SNTG1: variants seen among roughly 807,000 people sequenced by gnomAD.
SNTG1 encodes syntrophin gamma 1.
In SNTG1, 39 loss-of-function variants were observed where a neutral mutation model predicts 74.7. The observed-to-expected ratio is 0.52, with a 90% confidence interval of 0.40 to 0.68. The LOEUF (loss-of-function observed/expected upper bound fraction) is 0.68. Among genes scored for constraint, SNTG1 ranks in the 30% least tolerant of loss-of-function variants. SNTG1 has a pLI of 0.00. For synonymous variants in SNTG1, 254 were observed against 217.1 expected (o/e 1.17, Z -1.49); for missense variants, 685 against 609.5 (o/e 1.12, Z -1.30).
intron 2 of SNTG1, among the ~76,000 whole-genome samples, chr8:50,298,962 A>T (rs1006774144): frequency 4.6e-5 from 7 of 152,214 alleles, no homozygotes; most frequent in Non-Finnish European, 1.0e-4. Context: ...AATTTTTTAT[A>T]AAGTATTGAA....
At position 50,616,212 on chromosome 8, in the gene SNTG1, T is replaced by C. The variant is rs538312546; in HGVS notation, c.849+25295T>C. Among the ~76,000 whole-genome samples, 4 of 152,284 alleles carry C rather than the reference T, an allele frequency of 2.6e-5. No homozygotes were observed. In the South Asian group the frequency reaches 6.2e-4, roughly 24 times the overall value. ...CCAAACAGCTAGCCCAGATGACATA[T>C]AAAATTAACTGTTACAGTAAGAATA... On this transcript the variant is annotated intron_variant, in intron 13 of 18. Transcript: ENST00000642720.
chr8:50,486,894 A>G (rs1370372792), intron 8 of SNTG1, among the ~76,000 whole-genome samples: 2 of 152,220 alleles, frequency 1.3e-5, no homozygotes, highest in African/African-American at 4.8e-5. Flanking sequence ...CCTTTTCTGC[A>G]TCTATTGAGA....
chr8:50,379,131 T>A (rs2092438804), intron 2 of SNTG1, among the ~76,000 whole-genome samples: 1 of 152,176 alleles, frequency 6.6e-6, no homozygotes, highest in South Asian at 2.1e-4. Flanking sequence ...TCTGTGCTAG[T>A]TGGTGCCCCA....
intron 1 of SNTG1, among the ~76,000 whole-genome samples, chr8:50,090,440 A>T (rs1473706126): frequency 6.6e-6 from 1 of 152,138 alleles, no homozygotes; most frequent in African/African-American, 2.4e-5. Context: ...TGGTGGTAAG[A>T]TAGCTTCAGT....
chr8:50,090,885 C>T (rs1357030983), intron 1 of SNTG1, among the ~76,000 whole-genome samples: 1 of 152,084 alleles, frequency 6.6e-6, no homozygotes, highest in Non-Finnish European at 1.5e-5. Flanking sequence ...GATAGCTTTT[C>T]TGAAATTAAG....
At chr8:50,387,387 T>C (rs2092592033) in intron 2 of SNTG1, among the ~76,000 whole-genome samples, 1 of 152,190 alleles carries the variant, frequency 6.6e-6, no homozygotes, top group African/African-American at 2.4e-5. Flanking sequence ...TGAGGGGCTC[T>C]TGTATGATAA....
intron 2 of SNTG1, among the ~76,000 whole-genome samples, chr8:50,327,070 C>T (rs781550389): frequency 2.6e-5 from 4 of 151,874 alleles, no homozygotes; most frequent in Admixed American, 6.6e-5. Context: ...TGTATGATTT[C>T]TGTTCTTTTA....
chr8:50,257,001 C>T (rs910356282), intron 2 of SNTG1, among the ~76,000 whole-genome samples: 4 of 152,060 alleles, frequency 2.6e-5, no homozygotes, highest in Non-Finnish European at 5.9e-5. Context: ...GAAGGCATGG[C>T]TTTGTAGCCC....
At chr8:50,105,223 A>G (rs905375341) in intron 1 of SNTG1, among the ~76,000 whole-genome samples, 1 of 152,068 alleles carries the variant, frequency 6.6e-6, no homozygotes, top group African/African-American at 2.4e-5. Context: ...GTAAGGAAGG[A>G]GTCCAGCTCC....
At chr8:50,243,097 C>A (rs1190308530) in intron 2 of SNTG1, among the ~76,000 whole-genome samples, 1 of 151,872 alleles carries the variant, frequency 6.6e-6, no homozygotes, top group African/African-American at 2.4e-5. Flanking sequence ...AACTGTTGAA[C>A]AAAAAACATG....
chr8:50,742,151 C>T (rs1363710663), intron 17 of SNTG1, among the ~76,000 whole-genome samples: 1 of 151,816 alleles, frequency 6.6e-6, no homozygotes, highest in East Asian at 1.9e-4. Context: ...AAAAATCATA[C>T]ACACACAAAA....
chr8:50,287,597 G>T (rs1055064321), intron 2 of SNTG1, among the ~76,000 whole-genome samples: 2 of 152,118 alleles, frequency 1.3e-5, no homozygotes, highest in Admixed American at 6.6e-5. Context: ...TCTGTGGTCG[G>T]TTATCTCCTT....
rs978672579 is a variant in SNTG1, at chr8:50,102,935, C to T, written c.-102-69626C>T. Among the ~76,000 whole-genome samples the T allele has an allele frequency of 7.3e-5, 11 of 151,104 alleles. 1 individual carries two copies. Among genetic ancestry groups the T allele is most frequent in the African/African-American group, 2.4e-4 (10 of 40,990 alleles). On this transcript the variant is annotated intron_variant, in intron 1 of 18. Transcript: ENST00000642720. Reference sequence around the variant, plus strand: ...TTGATCTATATCTTTGTTTTGGTACCAGTACCATGCTGTTTTGGTTACTGT... The same window carrying T: ...TTGATCTATATCTTTGTTTTGGTACTAGTACCATGCTGTTTTGGTTACTGT...
intron 17 of SNTG1, among the ~76,000 whole-genome samples, chr8:50,711,476 G>C (rs905879367): frequency 6.6e-6 from 1 of 152,062 alleles, no homozygotes; most frequent in Non-Finnish European, 1.5e-5. Context: ...ACTCTATTCT[G>C]GGTCATTATT....
At chr8:50,277,730 A>C (rs954912103) in intron 2 of SNTG1, among the ~76,000 whole-genome samples, 37 of 152,164 alleles carry the variant, frequency 2.4e-4, no homozygotes, top group African/African-American at 8.7e-4. Context: ...CTTTTCTGAG[A>C]TATTATTCTC....
chr8:50,390,899 G>A (rs1013577128), intron 2 of SNTG1, among the ~76,000 whole-genome samples: 4 of 152,150 alleles, frequency 2.6e-5, no homozygotes, highest in African/African-American at 9.7e-5. Flanking sequence ...AAGAATGCTT[G>A]TGATTTTTGC....
chr8:50,502,133 A>G (rs2093964878), intron 8 of SNTG1, among the ~76,000 whole-genome samples: 2 of 152,166 alleles, frequency 1.3e-5, no homozygotes, highest in Non-Finnish European at 2.9e-5. Context: ...ATTGATAATA[A>G]CAGACTTCAA....
chr8:50,440,147 A>G (rs1233758235), intron 5 of SNTG1, among the ~76,000 whole-genome samples: 1 of 151,742 alleles, frequency 6.6e-6, no homozygotes, highest in Non-Finnish European at 1.5e-5. Context: ...TTTTCCATTC[A>G]ATTATTGACC....
At chr8:50,413,608 T>G (rs1318054252) in intron 4 of SNTG1, among the ~76,000 whole-genome samples, 2 of 152,194 alleles carry the variant, frequency 1.3e-5, no homozygotes, top group South Asian at 2.1e-4. Flanking sequence ...ATATGAAAAT[T>G]TATGTATTTC....
Sources: gnomAD v4.1 joint callset for allele counts (sites outside exome capture counted in the v4.1 genomes callset) on GRCh38, gnomAD v4.1.1 for gene constraint, MANE v1.5 for transcripts, NCBI Gene and HGNC (gene_info 2026-07-23, HGNC 2026-07-21) for gene names.